The following UST variants were observed in gnomAD, a reference collection of about 807,000 sequenced individuals.
UST encodes the protein uronyl 2-sulfotransferase, also known as chondroitin sulfate 2-O-sulfotransferase.
A neutral mutation model predicts 45.6 loss-of-function variants in UST; 21 were observed. The ratio of observed to expected loss-of-function variants is 0.46; its 90% CI spans 0.33 to 0.66. The LOEUF is 0.66. Among genes scored for constraint, UST ranks in the 30% least tolerant of loss-of-function variants. UST has a pLI of 0.02. For missense variants in UST, 463 were observed against 512.4 expected, an observed-to-expected ratio of 0.90 and a Z score of 0.93; for synonymous variants, 215 against 200.6, an observed-to-expected ratio of 1.07 and a Z score of -0.61.
intron 7 of UST, among the ~76,000 whole-genome samples, chr6:149,064,293 C>T (rs1028787262): frequency 2.6e-5 from 4 of 152,338 alleles, no homozygotes; most frequent in East Asian, 3.8e-4. Context: ...CACCCAACTT[C>T]GGGCTTCACC....
intron 2 of UST, among the ~76,000 whole-genome samples, chr6:148,905,128 A>G (rs1460728501): frequency 1.3e-5 from 2 of 152,258 alleles, no homozygotes; most frequent in East Asian, 1.9e-4. Context: ...AAGGAAATCT[A>G]GTTAACATTT....
chr6:149,048,380 A>G (rs1043384070), intron 7 of UST, among the ~76,000 whole-genome samples: 1 of 152,112 alleles, frequency 6.6e-6, no homozygotes, highest in African/African-American at 2.4e-5. Flanking sequence ...ACTAAAAAAT[A>G]CAAAAATCAG....
intron 2 of UST, among the ~76,000 whole-genome samples, chr6:148,920,800 T>C (rs1279258204): frequency 6.6e-6 from 1 of 152,220 alleles, no homozygotes; most frequent in Non-Finnish European, 1.5e-5. Flanking sequence ...AGTGCTTTTG[T>C]TTTTTAATAA....
intron 1 of UST, among the ~76,000 whole-genome samples, chr6:148,819,787 C>T (rs1777421146): frequency 6.6e-6 from 1 of 152,074 alleles, no homozygotes; most frequent in African/African-American, 2.4e-5. Flanking sequence ...ATGTAGCCTG[C>T]CTGGAATCTT....
chr6:148,781,839 A>G (rs1189691833), intron 1 of UST, among the ~76,000 whole-genome samples: 2 of 152,142 alleles, frequency 1.3e-5, no homozygotes, highest in Non-Finnish European at 2.9e-5. Flanking sequence ...GTGACAGCAT[A>G]TCTGTTTATA....
chr6:148,977,072 T>C (rs936259265), intron 5 of UST, among the ~76,000 whole-genome samples: 17 of 151,986 alleles, frequency 1.1e-4, no homozygotes, highest in African/African-American at 3.9e-4. Flanking sequence ...TTCTTTTTTT[T>C]CCAGATGGCT....
intron 1 of UST, among the ~76,000 whole-genome samples, chr6:148,763,165 G>GT (rs1167065954): frequency 6.6e-6 from 1 of 152,134 alleles, no homozygotes; most frequent in African/African-American, 2.4e-5. Flanking sequence ...GCCAACATCT[G>GT]TTGTTTTTTG....
intron 1 of UST, among the ~76,000 whole-genome samples, chr6:148,779,612 G>A (rs1189769085): frequency 1.3e-5 from 2 of 152,218 alleles, no homozygotes; most frequent in Admixed American, 1.3e-4. Context: ...GACAAAATGA[G>A]ATGTGATATA....
At chr6:149,028,811 G>A (rs1250807788) in intron 7 of UST, among the ~76,000 whole-genome samples, 4 of 152,142 alleles carry the variant, frequency 2.6e-5, no homozygotes, top group East Asian at 1.9e-4. Context: ...CTGTTGAGAC[G>A]TTATTGGGGC....
chr6:149,018,666 A>G (rs1376737985), intron 5 of UST, among the ~76,000 whole-genome samples: 1 of 152,234 alleles, frequency 6.6e-6, no homozygotes, highest in Non-Finnish European at 1.5e-5. Context: ...AAGTGATTTT[A>G]CAGCTCCTCT....
intron 1 of UST, among the ~76,000 whole-genome samples, chr6:148,794,734 G>A (rs1211275154): frequency 6.6e-6 from 1 of 152,192 alleles, no homozygotes; most frequent in African/African-American, 2.4e-5. Flanking sequence ...AACAAACTCA[G>A]AACATTGGAT....
chr6:149,021,237 T>G, intron 6 of UST, 87 bp from the exon 7 acceptor site: 1 of 1,386,720 alleles, frequency 7.2e-7, no homozygotes. Flanking sequence ...CAAGTGAAGG[T>G]GGGAGGTAGA....
chr6:149,024,550 A>G (rs1776023189), intron 7 of UST, among the ~76,000 whole-genome samples: 1 of 152,176 alleles, frequency 6.6e-6, no homozygotes, highest in Admixed American at 6.5e-5. Flanking sequence ...CAAGAGATCA[A>G]CACACACTCC....
chr6:149,046,837 A>G (rs1275140134), intron 7 of UST, among the ~76,000 whole-genome samples: 1 of 152,256 alleles, frequency 6.6e-6, no homozygotes, highest in Non-Finnish European at 1.5e-5. Flanking sequence ...AAAGTCTCTC[A>G]TGATGCAGAT....
intron 1 of UST, among the ~76,000 whole-genome samples, chr6:148,831,053 GA>G (rs552603051): frequency 1.1e-3 from 141 of 123,958 alleles, no homozygotes; most frequent in African/African-American, 4.0e-3. Context: ...AAAGATGAAA[GA>G]AAAAGAAAGA....
intron 2 of UST, among the ~76,000 whole-genome samples, chr6:148,907,380 A>G (rs1779383677): frequency 6.6e-6 from 1 of 152,194 alleles, no homozygotes; most frequent in Non-Finnish European, 1.5e-5. Context: ...TACTTATACT[A>G]AATGTTACTC....
chr6:148,953,925 A>C lies in UST; in HGVS notation c.501A>C (p.Arg167=). 6.2e-7 allele frequency: 1 copy of C among 1,609,754 alleles called. No individual in the cohort carries two copies. Among genetic ancestry groups the C allele is most frequent in the Non-Finnish European group, 8.5e-7 (1 of 1,178,354 alleles). ...CCGAACAACCCTATTTATTCACTCG[A>C]CATGTTCATTTCCTCAACTTCTCAA... ...STAEQPYLFT[R]HVHFLNFSRF... The change falls in exon 4 of 8, where the codon CGA becomes CGC. Residue 167 remains arginine, a synonymous_variant. Transcript: ENST00000367463.
At chr6:148,781,757 G>A (rs1776647831) in intron 1 of UST, among the ~76,000 whole-genome samples, 1 of 152,170 alleles carries the variant, frequency 6.6e-6, no homozygotes, top group African/African-American at 2.4e-5. Flanking sequence ...GTATCTTAAA[G>A]TTGAACCCAG....
chr6:148,800,715 C>A (rs904795670), intron 1 of UST, among the ~76,000 whole-genome samples: 1 of 151,474 alleles, frequency 6.6e-6, no homozygotes, highest in African/African-American at 2.4e-5. Flanking sequence ...CAGAATGCAG[C>A]CTCCTCACCC....
Sources: allele counts gnomAD v4.1 joint callset (sites outside exome capture counted in the v4.1 genomes callset), GRCh38; gene constraint gnomAD v4.1.1; transcripts MANE v1.5; gene names NCBI Gene and HGNC (gene_info 2026-07-23, HGNC 2026-07-21).